Variants in TTC29 observed in about 807,000 individuals in gnomAD.
TTC29 encodes tetratricopeptide repeat domain 29.
In TTC29, 49 loss-of-function variants were observed where a neutral mutation model predicts 58.1. The observed-to-expected ratio is 0.84, with a 90% CI of 0.67 to 1.07. TTC29 has a LOEUF of 1.07. TTC29 is among the 50% of genes least tolerant of loss of function. TTC29 has a pLI of 0.00. For synonymous variants in TTC29, 209 were observed against 196.8 expected (o/e 1.06, Z -0.52); for missense variants, 582 against 555.6 (o/e 1.05, Z -0.48).
intron 6 of TTC29, among the ~76,000 whole-genome samples, chr4:146,891,773 A>G (rs1432482173): frequency 1.3e-5 from 2 of 152,182 alleles, no homozygotes; most frequent in African/African-American, 4.8e-5. Context: ...CTTGGGACAT[A>G]CAAGTCTTTC....
chr4:146,912,049 A>C (rs1733932914), intron 4 of TTC29, among the ~76,000 whole-genome samples: 1 of 152,224 alleles, frequency 6.6e-6, no homozygotes, highest in African/African-American at 2.4e-5. Context: ...ACATTGGAAG[A>C]AGAATTGCCT....
intron 8 of TTC29, among the ~76,000 whole-genome samples, chr4:146,855,526 CTT>C (rs1290171663): frequency 6.6e-6 from 1 of 152,058 alleles, no homozygotes; most frequent in Non-Finnish European, 1.5e-5. Context: ...ATTAATGAAA[CTT>C]ATGTGTTGAT....
intron 7 of TTC29, among the ~76,000 whole-genome samples, chr4:146,868,263 C>T (rs991302304): frequency 6.6e-6 from 1 of 151,934 alleles, no homozygotes; most frequent in Admixed American, 6.6e-5. Context: ...AGGAGATATA[C>T]CTAATGTTAA....
chr4:146,880,610 C>G lies in TTC29; in HGVS notation c.587-5682G>C, dbSNP rs1731560531. Among the ~76,000 whole-genome samples the G allele has an allele frequency of 2.0e-5, 3 of 152,120 alleles. No individual in the cohort carries two copies. In the South Asian group the frequency reaches 6.2e-4, roughly 31 times the overall value. ...TTTATAGATATTTGTTGTATCACAG[C>G]AGATGTCTAGAACAAATATTAAGCA... is the stretch of plus-strand genomic sequence containing the variant. On this transcript the variant is annotated intron_variant, in intron 6 of 12. Transcript: ENST00000325106.
intron 7 of TTC29, among the ~76,000 whole-genome samples, chr4:146,871,984 C>T (rs960207761): frequency 1.3e-5 from 2 of 151,938 alleles, no homozygotes; most frequent in Admixed American, 6.6e-5. Flanking sequence ...GCACATTTCC[C>T]AATTTCAAAA....
intron 6 of TTC29, among the ~76,000 whole-genome samples, chr4:146,899,729 GTC>G (rs1454920397): frequency 6.6e-6 from 1 of 152,194 alleles, no homozygotes; most frequent in Non-Finnish European, 1.5e-5. Flanking sequence ...CATGTGCCCA[GTC>G]TCTGTGGCTC....
At chr4:146,941,894 T>C (rs1005665863) in intron 2 of TTC29, among the ~76,000 whole-genome samples, 6 of 151,908 alleles carry the variant, frequency 3.9e-5, no homozygotes, top group Non-Finnish European at 8.8e-5. Context: ...GTGGCTTAGG[T>C]AGGAGTAGAG....
chr4:146,816,195 C>T lies in TTC29; in HGVS notation c.1101+3930G>A, dbSNP rs551372328. On this transcript the variant is annotated intron_variant, in intron 10 of 12. Transcript: ENST00000325106. ...GGATTCTGGGTATTTGCACTATCTTCAAATATATATGCCTTCAAATATACA... is the reference window on the plus strand; with the variant it reads ...GGATTCTGGGTATTTGCACTATCTTTAAATATATATGCCTTCAAATATACA... 9.5e-4 allele frequency among the ~76,000 whole-genome samples: 144 copies of T among 152,128 alleles called. 1 individual carries two copies. Among genetic ancestry groups the T allele is most frequent in the Admixed American group, 7.9e-4 (12 of 15,276 alleles).
intron 6 of TTC29, among the ~76,000 whole-genome samples, chr4:146,903,133 A>T (rs1362596103): frequency 6.6e-6 from 1 of 152,144 alleles, no homozygotes; most frequent in African/African-American, 2.4e-5. Context: ...ACATTCAGGA[A>T]TTATTTTAAA....
chr4:146,794,767 G>A (rs543035690), intron 11 of TTC29, among the ~76,000 whole-genome samples: 23 of 152,102 alleles, frequency 1.5e-4, no homozygotes, highest in African/African-American at 3.1e-4. Flanking sequence ...ATTAGCTGCC[G>A]ATATCATGAA....
rs1750801029 is a variant in TTC29, at chr4:146,808,723, A to C, written c.1102-5038T>G. Among the ~76,000 whole-genome samples the C allele has an allele frequency of 2.0e-5, 3 of 152,210 alleles. No homozygotes were observed. In the South Asian group the frequency reaches 6.2e-4, roughly 31 times the overall value. On this transcript the variant is annotated intron_variant, in intron 10 of 12. Coordinates refer to ENST00000325106, the MANE Select transcript of TTC29 (RefSeq NM_031956.4). ...AAGGAGAACTGCAAACCACTGCTCA[A>C]GGAAATAAGAGAGAACACAAACAAA...
At chr4:146,781,139 T>C (rs1748564000) in intron 11 of TTC29, among the ~76,000 whole-genome samples, 1 of 151,934 alleles carries the variant, frequency 6.6e-6, no homozygotes, top group African/African-American at 2.4e-5. Flanking sequence ...CTTTTTGAAA[T>C]AAGTATATAT....
chr4:146,730,794 G>A (rs1184136640), intron 11 of TTC29, among the ~76,000 whole-genome samples: 2 of 152,198 alleles, frequency 1.3e-5, no homozygotes, highest in Non-Finnish European at 2.9e-5. Context: ...AGCAATTTCA[G>A]TTGAAGGTGG....
chr4:146,832,060 C>T (rs1294404168), intron 9 of TTC29, among the ~76,000 whole-genome samples: 1 of 152,196 alleles, frequency 6.6e-6, no homozygotes, highest in East Asian at 1.9e-4. Context: ...CCACACCCAG[C>T]TTATCTCTCC....
At chr4:146,858,096 T>C (rs1729988272) in intron 8 of TTC29, among the ~76,000 whole-genome samples, 1 of 152,224 alleles carries the variant, frequency 6.6e-6, no homozygotes, top group African/African-American at 2.4e-5. Context: ...GTAGTGATAA[T>C]GGTATCTTAC....
chr4:146,862,829 C>A (rs1730324077), intron 8 of TTC29, among the ~76,000 whole-genome samples: 1 of 152,092 alleles, frequency 6.6e-6, no homozygotes, highest in Non-Finnish European at 1.5e-5. Context: ...TAACAAGAAC[C>A]AACTAAACCT....
At chr4:146,710,031 C>T (rs1942519195) in intron 11 of TTC29, among the ~76,000 whole-genome samples, 1 of 152,138 alleles carries the variant, frequency 6.6e-6, no homozygotes, top group African/African-American at 2.4e-5. Flanking sequence ...TCTTCCCTAT[C>T]AGTAGAGAAC....
chr4:146,902,935 C>T (rs960858408), intron 6 of TTC29, among the ~76,000 whole-genome samples: 1 of 152,078 alleles, frequency 6.6e-6, no homozygotes, highest in Admixed American at 6.6e-5. Flanking sequence ...ATCTTTTCAT[C>T]TTTCCCTATA....
At chr4:146,939,712 A>T in intron 3 of TTC29, 92 bp downstream of exon 3, 2 of 1,199,884 alleles carry the variant, frequency 1.7e-6, no homozygotes, top group South Asian at 3.0e-5. Flanking sequence ...TCTTCTCTTG[A>T]AATGATTTTA....
Sources: allele counts gnomAD v4.1 joint callset (sites outside exome capture counted in the v4.1 genomes callset), GRCh38; gene constraint gnomAD v4.1.1; transcripts MANE v1.5; gene names NCBI Gene and HGNC (gene_info 2026-07-23, HGNC 2026-07-21).